Variants in LPIN2 observed in about 807,000 individuals in gnomAD.
LPIN2 encodes lipin 2, also known as phosphatidate phosphatase LPIN2.
Under a neutral mutation model 111.4 loss-of-function variants are expected in LPIN2, and 55 were observed. The ratio of observed to expected loss-of-function variants is 0.49; its 90% CI spans 0.40 to 0.62. The LOEUF is 0.62. Ranked by LOEUF, LPIN2 falls within the 20% of genes least tolerant of loss-of-function variation. The probability of loss-of-function intolerance (pLI) is 0.00; values close to 1 mark genes in which losing one functional copy is unlikely to be tolerated. For synonymous variants in LPIN2, 425 were observed against 414.0 expected (o/e 1.03, Z -0.32); for missense variants, 992 against 1,112.1 (o/e 0.89, Z 1.54).
Position 2,991,086 on chromosome 18 carries a change from T to C in LPIN2, c.-10+22001A>G, listed in dbSNP as rs774004981. ...GAATGACTCGAGCAGACAGAAAGGA[T>C]AGAGGGGAGGCCTCCCTATATCAGT... On this transcript the variant is annotated intron_variant, in intron 1 of 19. Coordinates refer to ENST00000677752, the MANE Select transcript of LPIN2 (RefSeq NM_001375808.2). 1.4e-4 allele frequency: 75 copies of C among 539,838 alleles called. 1 individual carries two copies. The Middle Eastern group carries it at 8.4e-3, about 61-fold the overall frequency. 33.4% of individuals were successfully genotyped at this position (539,838 alleles called of 1,614,324 possible).
intron 1 of LPIN2, among the ~76,000 whole-genome samples, chr18:2,997,966 C>G (rs2078370935): frequency 6.6e-6 from 1 of 152,226 alleles, no homozygotes; most frequent in Admixed American, 6.5e-5. Context: ...AACATGGTGA[C>G]CGTGAGGCAG....
intron 10 of LPIN2, 40 bp downstream of exon 10, chr18:2,929,025 T>G: frequency 2.3e-6 from 3 of 1,299,718 alleles, no homozygotes; most frequent in South Asian, 2.4e-5. Context: ...GTAAAAAAAC[T>G]GCAAGAGTAT....
chr18:2,996,422 G>A (rs867975900), intron 1 of LPIN2, among the ~76,000 whole-genome samples: 5 of 149,858 alleles, frequency 3.3e-5, no homozygotes, highest in African/African-American at 7.4e-5. Context: ...GCATGGTGAC[G>A]TTGCAGAAAA....
intron 1 of LPIN2, among the ~76,000 whole-genome samples, chr18:2,975,163 T>C (rs1365108698): frequency 6.6e-6 from 1 of 152,214 alleles, no homozygotes; most frequent in Non-Finnish European, 1.5e-5. Context: ...CCCAGAGACA[T>C]GACCAGACAA....
chr18:2,960,379 GATT>G (rs1431244172), intron 2 of LPIN2, among the ~76,000 whole-genome samples: 1 of 151,942 alleles, frequency 6.6e-6, no homozygotes, highest in Non-Finnish European at 1.5e-5. Flanking sequence ...CAACATGTAA[GATT>G]ATTATAATAA....
intron 1 of LPIN2, among the ~76,000 whole-genome samples, chr18:2,993,520 A>G (rs1021460414): frequency 1.4e-4 from 21 of 152,230 alleles, no homozygotes; most frequent in Admixed American, 1.4e-3. Flanking sequence ...CTTTCTGAGC[A>G]TTCAACTCTA....
rs759188713 is a variant in LPIN2, at chr18:2,917,259, A to G, written c.*3034T>C. On this transcript the variant is annotated 3_prime_UTR_variant, in exon 20 of 20. Coordinates refer to ENST00000677752, the MANE Select transcript of LPIN2 (RefSeq NM_001375808.2). The stretch of plus-strand genomic sequence containing the variant: ...TTTCTTACTTTCAAACAAAACCAAA[A>G]GAGTAGTTTTCATCTGGAAAGAGCA... 2.0e-4 allele frequency: 31 copies of G among 152,374 alleles called. No individual in the cohort carries two copies. Among genetic ancestry groups the G allele is most frequent in the Admixed American group, 5.9e-4 (9 of 15,306 alleles). 9.4% of individuals were successfully genotyped at this position (152,374 alleles called of 1,614,324 possible).
At chr18:2,922,783 C>T (rs889184895) in intron 16 of LPIN2, among the ~76,000 whole-genome samples, 9 of 152,080 alleles carry the variant, frequency 5.9e-5, no homozygotes, top group Admixed American at 1.3e-4. Context: ...TCCATGAAAG[C>T]CAGATTAGAG....
intron 4 of LPIN2, chr18:2,946,225 C>T (rs372590806): frequency 1.3e-5 from 21 of 1,581,694 alleles, no homozygotes; most frequent in South Asian, 4.4e-5. Context: ...GTCTTTTTAT[C>T]GCGTCTACTG....
Position 2,925,427 on chromosome 18 carries a change from T to C in LPIN2, c.1794-59A>G. The C allele has an allele frequency of 1.9e-6, 3 of 1,607,068 alleles. No individual in the cohort carries two copies. The highest frequency in any genetic ancestry group is 2.6e-6 in the Non-Finnish European group (3 of 1,174,442). On this transcript the variant is annotated intron_variant, in intron 13 of 19. Coordinates refer to ENST00000677752, the MANE Select transcript of LPIN2 (RefSeq NM_001375808.2). The surrounding 1 kb of genome is among the most constrained non-coding windows in gnomAD (Gnocchi z 4.1). ...GCAGGGCATTTTATTGATGAGAGCT[T>C]TTCATTTAGGATCAAGAAAATAAAG...
rs16944043 is a variant in LPIN2 at position 2,920,484 on chromosome 18, G to A, written c.2547-47C>T. The A allele has an allele frequency of 0.011, 17,361 of 1,606,330 alleles. 1,028 individuals carry two copies. The African/African-American group carries it at 0.16, about 15-fold the overall frequency. On this transcript the variant is annotated intron_variant, in intron 19 of 19. Coordinates refer to ENST00000677752, the MANE Select transcript of LPIN2 (RefSeq NM_001375808.2). ...AGGCACAGGCTATTACTTCAAGATC[G>A]GTCAAAGGCACAAGATGGGGGGCTG...
intron 17 of LPIN2, 157 bp from the exon 18 acceptor site, chr18:2,921,804 A>G (rs905096852): frequency 1.3e-6 from 1 of 767,410 alleles, no homozygotes; most frequent in Non-Finnish European, 2.1e-6. Flanking sequence ...TAACTAAGAA[A>G]ATTTGAGTGA....
intron 2 of LPIN2, among the ~76,000 whole-genome samples, chr18:2,956,035 C>A (rs1185695809): frequency 6.6e-6 from 1 of 152,152 alleles, no homozygotes; most frequent in African/African-American, 2.4e-5. Flanking sequence ...AGTATTTTGA[C>A]TTGTATTATA....
At chr18:3,002,495 T>C (rs2143479267) in intron 1 of LPIN2, among the ~76,000 whole-genome samples, 1 of 152,188 alleles carries the variant, frequency 6.6e-6, no homozygotes, top group South Asian at 2.1e-4. Flanking sequence ...GACGTCCCAT[T>C]CTAAACACAA....
At position 2,989,312 on chromosome 18, in the gene LPIN2, G is replaced by GA. The variant is rs950914744; in HGVS notation, c.-10+23774dup. Among the ~76,000 whole-genome samples, 8 of 148,836 alleles carry GA rather than the reference G, an allele frequency of 5.4e-5. No homozygotes were observed. The East Asian group carries it at 5.9e-4, about 11-fold the overall frequency. On this transcript the variant is annotated intron_variant, in intron 1 of 19. Transcript: ENST00000677752. ...CAAACATTATGCAATGCATCTAAAA[G>GA]AAAAAAAATGCCTAGGAATAAATTT...
chr18:3,012,598 CG>C (rs2143526839), intron 1 of LPIN2, among the ~76,000 whole-genome samples: 1 of 152,310 alleles, frequency 6.6e-6, no homozygotes, highest in Non-Finnish European at 1.5e-5. Context: ...AGCAACTCGG[CG>C]GCCCCCGCCT....
At chr18:2,995,403 C>T (rs1451796540) in intron 1 of LPIN2, among the ~76,000 whole-genome samples, 1 of 152,202 alleles carries the variant, frequency 6.6e-6, no homozygotes, top group East Asian at 1.9e-4. Context: ...CACTCTTCAG[C>T]CTATTTGTCC....
intron 1 of LPIN2, among the ~76,000 whole-genome samples, chr18:2,964,324 G>C (rs2077759022): frequency 7.2e-6 from 1 of 138,370 alleles, no homozygotes. Flanking sequence ...GGTTAGAAAA[G>C]TTAAGTAATA....
intron 1 of LPIN2, among the ~76,000 whole-genome samples, chr18:3,006,785 A>T (rs113957690): frequency 4.6e-5 from 7 of 151,146 alleles, no homozygotes; most frequent in Admixed American, 2.0e-4. Context: ...TGCAGTGAGC[A>T]GAGATCGCGC....
Sources: gnomAD v4.1 joint callset for allele counts (sites outside exome capture counted in the v4.1 genomes callset) on GRCh38, gnomAD v4.1.1 for gene constraint, Gnocchi (gnomAD v3.1) non-coding constraint, MANE v1.5 for transcripts, NCBI Gene and HGNC (gene_info 2026-07-23, HGNC 2026-07-21) for gene names.